The following EIF2B4 variants were observed in gnomAD, a reference collection of about 807,000 sequenced individuals.
EIF2B4 encodes the protein eukaryotic translation initiation factor 2B subunit delta, also known as translation initiation factor eIF2B subunit delta.
Under a neutral mutation model 66.7 loss-of-function variants are expected in EIF2B4, and 34 were observed. The observed-to-expected ratio is 0.51, with a 90% CI of 0.39 to 0.68. EIF2B4 has a LOEUF of 0.68. Among genes scored for constraint, EIF2B4 ranks in the 30% least tolerant of loss-of-function variants. The pLI is 0.00. For synonymous variants in EIF2B4, 278 were observed against 253.6 expected, an observed-to-expected ratio of 1.10 and a Z score of -0.92; for missense variants, 618 against 657.9, an observed-to-expected ratio of 0.94 and a Z score of 0.66.
intron 1 of EIF2B4, 115 bp downstream of exon 1, chr2:27,370,169 C>A: frequency 6.5e-7 from 1 of 1,544,338 alleles, no homozygotes; most frequent in Non-Finnish European, 8.7e-7. Context: ...TAGACCGGAG[C>A]CCAGCGTGGC....
intron 4 of EIF2B4, 92 bp from the exon 5 acceptor site, chr2:27,368,825 T>G: frequency 3.4e-6 from 5 of 1,484,962 alleles, no homozygotes; most frequent in Non-Finnish European, 4.7e-6. Flanking sequence ...AAAAACAGGA[T>G]GAGGTGGAGA....
intron 6 of EIF2B4, 56 bp downstream of exon 6, chr2:27,368,316 C>G (rs1682016546): frequency 6.6e-7 from 1 of 1,506,428 alleles, no homozygotes; most frequent in Non-Finnish European, 9.2e-7. Flanking sequence ...ACTTTCAATA[C>G]TGACTTACTA....
intron 4 of EIF2B4, 88 bp downstream of exon 4, chr2:27,368,918 T>C (rs1682088987): frequency 6.5e-7 from 1 of 1,543,132 alleles, no homozygotes; most frequent in Non-Finnish European, 9.0e-7. Context: ...GTCCCAAGAA[T>C]GAGAGGGGAG....
chr2:27,367,892 G>A, intron 7 of EIF2B4, 70 bp from the exon 8 acceptor site: 1 of 1,534,952 alleles, frequency 6.5e-7, no homozygotes, highest in Non-Finnish European at 9.0e-7. Context: ...CTGGGGGTAA[G>A]CTTCACTGAG....
At chr2:27,366,400 T>C in intron 11 of EIF2B4, 1 of 326,128 alleles carries the variant, frequency 3.1e-6, no homozygotes, top group Non-Finnish European at 5.9e-6. Context: ...TAAATAATTG[T>C]GGCTGGGCAC....
chr2:27,368,742 T>TG lies in EIF2B4; in HGVS notation c.419-10_419-9insC. On this transcript the variant is annotated splice_polypyrimidine_tract_variant and intron_variant, in intron 4 of 12. Coordinates refer to ENST00000347454, the MANE Select transcript of EIF2B4 (RefSeq NM_001034116.2). Reference sequence around the variant, plus strand: ...AGGGAGACGCTTCACTCCTGAAAGATAATCATCATGTTTTCAGGACACTGT... The same window carrying TG: ...AGGGAGACGCTTCACTCCTGAAAGATGAATCATCATGTTTTCAGGACACTGT... 2 of 1,613,712 alleles carry TG rather than the reference T, an allele frequency of 1.2e-6. No individual in the cohort carries two copies. The highest frequency in any genetic ancestry group is 1.7e-6 in the Non-Finnish European group (2 of 1,179,590).
intron 11 of EIF2B4, 36 bp from the exon 12 acceptor site, chr2:27,364,934 T>C (rs1256231395): frequency 6.2e-7 from 1 of 1,605,130 alleles, no homozygotes; most frequent in Admixed American, 1.7e-5. Context: ...AAAAATGTCA[T>C]TGTTGTATCA....
chr2:27,369,848 G>C (rs1380172639), intron 2 of EIF2B4, 28 bp downstream of exon 2: 1 of 1,561,640 alleles, frequency 6.4e-7, no homozygotes, highest in African/African-American at 1.4e-5. Context: ...GCGCTTGGCA[G>C]GCGGCTTGGG....
chr2:27,364,406 G>A lies in EIF2B4; in HGVS notation c.1566C>T (p.Asp522=). 7 of 1,613,992 alleles carry A rather than the reference G, an allele frequency of 4.3e-6. No individual in the cohort carries two copies. Among genetic ancestry groups the A allele is most frequent in the Non-Finnish European group, 5.9e-6 (7 of 1,179,998 alleles). The change falls in exon 13 of 13, where the codon GAC becomes GAT. Residue 522 remains aspartate (D), a synonymous_variant. Transcript: ENST00000347454. ...TAACCCTGTGTTTCCCCCGTCACTG[G>A]TCACTGCTCTTGACTCGTAGAACAA... is the stretch of plus-strand genomic sequence containing the variant. ...VPVVLRVKSS[D]Q
At position 27,364,713 on chromosome 2, in the gene EIF2B4, C is replaced by G; in HGVS notation, c.1372+5G>C. ...TAGCTGGAGGCTTCTCTTTTGCCTC[C>G]TTACCTAGCTCATTAGAGACAAAGG... On this transcript the variant is annotated splice_donor_5th_base_variant and intron_variant, in intron 12 of 12. Transcript: ENST00000347454. The G allele has an allele frequency of 6.2e-7, 1 of 1,614,234 alleles. No homozygotes were observed. Among genetic ancestry groups the G allele is most frequent in the South Asian group, 1.1e-5 (1 of 91,090 alleles).
At chr2:27,365,197 C>T (rs1258801365) in intron 11 of EIF2B4, 3 of 369,222 alleles carry the variant, frequency 8.1e-6, no homozygotes, top group African/African-American at 4.2e-5. Flanking sequence ...GCTGGGATTA[C>T]AGGCATGCAC....
Position 27,369,340 on chromosome 2 carries a change from T to C in EIF2B4, c.211+74A>G. 3.8e-6 allele frequency: 6 copies of C among 1,590,716 alleles called. No homozygotes were observed. The South Asian group carries it at 4.4e-5, about 12-fold the overall frequency. On this transcript the variant is annotated intron_variant, in intron 3 of 12. Transcript: ENST00000347454. ...TTGCTCAAATCAACTTTGTCCTGTC[T>C]CTCCCTTATCTCTCCCACCACATCC...
At chr2:27,370,170 C>G in intron 1 of EIF2B4, 114 bp downstream of exon 1, 3 of 1,544,590 alleles carry the variant, frequency 1.9e-6, no homozygotes, top group Non-Finnish European at 1.7e-6. Flanking sequence ...AGACCGGAGC[C>G]CAGCGTGGCG....
chr2:27,368,739 A>G lies in EIF2B4; in HGVS notation c.419-6T>C. 1 of 1,614,068 alleles carries G rather than the reference A, an allele frequency of 6.2e-7. No homozygotes were observed. The highest frequency in any genetic ancestry group is 8.5e-7 in the Non-Finnish European group (1 of 1,179,934). ...CTCAGGGAGACGCTTCACTCCTGAA[A>G]GATAATCATCATGTTTTCAGGACAC... On this transcript the variant is annotated splice_polypyrimidine_tract_variant and splice_region_variant and intron_variant, in intron 4 of 12. Transcript: ENST00000347454.
chr2:27,368,847 T>G, intron 4 of EIF2B4, 114 bp from the exon 5 acceptor site: 1 of 1,431,630 alleles, frequency 7.0e-7, no homozygotes, highest in Non-Finnish European at 9.8e-7. Flanking sequence ...AACGGGAGAA[T>G]AGGGTAGAAA....
At chr2:27,364,954 A>C (rs568549947) in intron 11 of EIF2B4, 56 bp from the exon 12 acceptor site, 1 of 1,558,488 alleles carries the variant, frequency 6.4e-7, no homozygotes, top group African/African-American at 1.4e-5. Flanking sequence ...AATGCAAAAT[A>C]AGGTCCCCTA....
intron 2 of EIF2B4, 35 bp from the exon 3 acceptor site, chr2:27,369,584 A>T (rs1273566223): frequency 1.2e-6 from 2 of 1,613,810 alleles, no homozygotes; most frequent in South Asian, 1.1e-5. Flanking sequence ...CTCTTCCCCA[A>T]CAATTCCAAA....
At position 27,367,733 on chromosome 2, in the gene EIF2B4, G is replaced by T; in HGVS notation, c.782+13C>A. 6.2e-7 allele frequency: 1 copy of T among 1,609,480 alleles called. No homozygotes were observed. The highest frequency in any genetic ancestry group is 8.5e-7 in the Non-Finnish European group (1 of 1,175,736). ...TGGGCGAGCTGGGAGTGGACTTATAGTGTTGTCCCTACCTCATGTAGGGTT... is the reference window on the plus strand; with the variant it reads ...TGGGCGAGCTGGGAGTGGACTTATATTGTTGTCCCTACCTCATGTAGGGTT... On this transcript the variant is annotated intron_variant, in intron 8 of 12. Transcript: ENST00000347454.
chr2:27,369,556 C>T lies in EIF2B4; in HGVS notation c.76-7G>A, dbSNP rs7602534. 0.39 allele frequency: 626,236 copies of T among 1,613,406 alleles called. 125,028 individuals are homozygous for T. Among genetic ancestry groups the T allele is most frequent in the Admixed American group, 0.52 (31,152 of 59,990 alleles). On this transcript the variant is annotated splice_polypyrimidine_tract_variant and splice_region_variant and intron_variant, in intron 2 of 12. Transcript: ENST00000347454. Reference sequence around the variant, plus strand: ...TCATTTCCCTCCCCACTGCCTGAGACACAGACATAGGATACTGCTCTTCCC... The same window carrying T: ...TCATTTCCCTCCCCACTGCCTGAGATACAGACATAGGATACTGCTCTTCCC...
Sources: gnomAD v4.1 joint callset for allele counts on GRCh38, gnomAD v4.1.1 for gene constraint, MANE v1.5 for transcripts, NCBI Gene and HGNC (gene_info 2026-07-23, HGNC 2026-07-21) for gene names.